The following POLR3E variants were observed in gnomAD, a reference collection of about 807,000 sequenced individuals.
POLR3E encodes RNA polymerase III subunit E, also known as DNA-directed RNA polymerase III subunit RPC5.
In POLR3E, 41 loss-of-function variants were observed where a neutral mutation model predicts 96.6. That is an observed-to-expected ratio of 0.42 (90% CI 0.33 to 0.55). The LOEUF (loss-of-function observed/expected upper bound fraction) is 0.55. Ranked by LOEUF, POLR3E falls within the 20% of genes least tolerant of loss-of-function variation. POLR3E has a pLI of 0.06. For synonymous variants in POLR3E, 396 were observed against 383.6 expected, an observed-to-expected ratio of 1.03 and a Z score of -0.38; for missense variants, 849 against 952.1, an observed-to-expected ratio of 0.89 and a Z score of 1.43.
At chr16:22,307,375 A>G (rs1451277957) in intron 3 of POLR3E, among the ~76,000 whole-genome samples, 1 of 152,118 alleles carries the variant, frequency 6.6e-6, no homozygotes, top group Non-Finnish European at 1.5e-5. Flanking sequence ...GCTAGAATGT[A>G]GCTGATCTGA....
chr16:22,330,085 G>C (rs2048704504), intron 19 of POLR3E, among the ~76,000 whole-genome samples: 1 of 149,002 alleles, frequency 6.7e-6, no homozygotes, highest in South Asian at 2.1e-4. Flanking sequence ...GAGATAGATA[G>C]CGTCTTGCTC....
At chr16:22,328,744 C>G in intron 19 of POLR3E, 157 bp downstream of exon 19, 2 of 648,334 alleles carry the variant, frequency 3.1e-6, no homozygotes, top group South Asian at 1.7e-5. Flanking sequence ...TGTACGCTAA[C>G]AAAATAAGCT....
intron 14 of POLR3E, among the ~76,000 whole-genome samples, chr16:22,323,608 G>A (rs1176771173): frequency 6.6e-6 from 1 of 152,120 alleles, no homozygotes; most frequent in Non-Finnish European, 1.5e-5. Flanking sequence ...TTCTCTTCCT[G>A]AAGGAGCCTC....
At chr16:22,300,076 G>A (rs908225229) in intron 1 of POLR3E, among the ~76,000 whole-genome samples, 4 of 152,188 alleles carry the variant, frequency 2.6e-5, no homozygotes, top group Admixed American at 6.5e-5. Flanking sequence ...ATAAGGAGCC[G>A]TAGGGAGACT....
chr16:22,315,615 T>TA (rs1477234086), intron 9 of POLR3E, among the ~76,000 whole-genome samples: 2 of 152,204 alleles, frequency 1.3e-5, no homozygotes, highest in African/African-American at 4.8e-5. Flanking sequence ...GGGATTTTCT[T>TA]ACTGTGCTTG....
rs1252287701 is a variant in POLR3E, at chr16:22,326,320, G to A, written c.1866+42G>A. 2.9e-5 allele frequency: 13 copies of A among 450,454 alleles called. 3 individuals are homozygous for A. Among genetic ancestry groups the A allele is most frequent in the Non-Finnish European group, 5.3e-5 (12 of 226,712 alleles). 27.9% of individuals were successfully genotyped at this position (450,454 alleles called of 1,614,324 possible). On this transcript the variant is annotated intron_variant, in intron 18 of 20. Coordinates refer to ENST00000299853, the MANE Select transcript of POLR3E (RefSeq NM_018119.4). Reference sequence around the variant, plus strand: ...CTGCCAGGGGCATGGGGGGTGGGGGGTGGGGAGAACCAGCTGTTGGGAGGC... The same window carrying A: ...CTGCCAGGGGCATGGGGGGTGGGGGATGGGGAGAACCAGCTGTTGGGAGGC...
chr16:22,328,476 A>G (rs1234959203), intron 18 of POLR3E, 34 bp from the exon 19 acceptor site: 1 of 1,570,352 alleles, frequency 6.4e-7, no homozygotes, highest in Admixed American at 1.7e-5. Context: ...TGGGGTAGAG[A>G]TGGACAAGCA....
chr16:22,309,315 T>C, intron 5 of POLR3E, 113 bp from the exon 6 acceptor site: 1 of 869,932 alleles, frequency 1.1e-6, no homozygotes, highest in East Asian at 2.4e-5. Context: ...CCTGCGGCCT[T>C]GGTCCCTGGC....
intron 5 of POLR3E, 188 bp downstream of exon 5, chr16:22,309,228 C>G (rs2048194527): frequency 1.5e-6 from 1 of 678,038 alleles, no homozygotes; most frequent in Admixed American, 2.3e-5. Flanking sequence ...CCTACCCACT[C>G]CTCGTCTCTT....
chr16:22,325,916 G>A lies in POLR3E; in HGVS notation c.1504G>A (p.Val502Met), dbSNP rs756072532. Residue 502 changes from valine to methionine, a missense_variant, in exon 18 of 21, where the codon GTG (valine) becomes ATG (methionine). By Grantham distance (21) the Val-to-Met change is conservative. Coordinates refer to ENST00000299853, the MANE Select transcript of POLR3E (RefSeq NM_018119.4). ...PPGVRIKEEPVSEEGEEDEEQ... is the reference protein window; with the variant it reads ...PPGVRIKEEPMSEEGEEDEEQ... ...CGGTGTGCGGATCAAGGAGGAGCCC[G>A]TGAGCGAGGAGGGCGAGGAGGACGA... 6.2e-6 allele frequency: 10 copies of A among 1,602,994 alleles called. No homozygotes were observed. Among genetic ancestry groups the A allele is most frequent in the South Asian group, 2.2e-5 (2 of 89,966 alleles).
chr16:22,302,407 G>C (rs1245549184), intron 1 of POLR3E: 1 of 159,380 alleles, frequency 6.3e-6, no homozygotes, highest in East Asian at 1.8e-4. Flanking sequence ...AGAAGAGTGT[G>C]TGAAGAGGTC....
Position 22,325,266 on chromosome 16 carries a change from G to A in POLR3E, c.1348G>A (p.Gly450Arg). Residue 450 changes from glycine to arginine, a missense_variant and splice_region_variant, in exon 17 of 21, where the codon GGG (glycine) becomes AGG (arginine). By Grantham distance (125) the Gly-to-Arg change is moderately radical (BLOSUM62 -2). Coordinates refer to ENST00000299853, the MANE Select transcript of POLR3E (RefSeq NM_018119.4). Reference sequence around the variant, plus strand: ...GCCAAAGAAGCCGGATGCACAATCAGGTGTGTGAGGGGCTTTGGGCTGGGA... The same window carrying A: ...GCCAAAGAAGCCGGATGCACAATCAAGTGTGTGAGGGGCTTTGGGCTGGGA... ...TMPKKPDAQS[G>R]PAGLVCGDQR... 2 of 1,612,614 alleles carry A rather than the reference G, an allele frequency of 1.2e-6. No homozygotes were observed.
chr16:22,325,750 C>A lies in POLR3E; in HGVS notation c.1349-11C>A, dbSNP rs1282482755. On this transcript the variant is annotated splice_polypyrimidine_tract_variant and intron_variant, in intron 17 of 20. Transcript: ENST00000299853. Reference sequence around the variant, plus strand: ...GTGCCCTCCTGAGCAGTGCTGCCTCCCTCCCCGCAGGGCCTGCCGGGCTGG... The same window carrying A: ...GTGCCCTCCTGAGCAGTGCTGCCTCACTCCCCGCAGGGCCTGCCGGGCTGG... The A allele has an allele frequency of 6.5e-7, 1 of 1,544,942 alleles. No homozygotes were observed. The highest frequency in any genetic ancestry group is 2.0e-5 in the Admixed American group (1 of 50,284).
intron 16 of POLR3E, 52 bp downstream of exon 16, chr16:22,324,712 A>G: frequency 6.3e-7 from 1 of 1,580,176 alleles, no homozygotes; most frequent in Non-Finnish European, 8.7e-7. Flanking sequence ...GCAACCCTGC[A>G]TCCTGGGGAG....
chr16:22,316,347 A>G (rs1256881214), intron 9 of POLR3E, among the ~76,000 whole-genome samples: 2 of 152,208 alleles, frequency 1.3e-5, no homozygotes, highest in Non-Finnish European at 2.9e-5. Context: ...AATGTTAGCC[A>G]TCATTTTGTC....
rs2048529745 is a variant in POLR3E, at chr16:22,324,227, A to G, written c.1069-127A>G. On this transcript the variant is annotated intron_variant, in intron 14 of 20. Coordinates refer to ENST00000299853, the MANE Select transcript of POLR3E (RefSeq NM_018119.4). ...GACTGCCTGAGGCCACACTGTTGGGAAGAATCAAGGCCAGGAGCCTAGGAC... is the reference window on the plus strand; with the variant it reads ...GACTGCCTGAGGCCACACTGTTGGGGAGAATCAAGGCCAGGAGCCTAGGAC... 22 of 706,104 alleles carry G rather than the reference A, an allele frequency of 3.1e-5. No individual in the cohort carries two copies. In the South Asian group the frequency reaches 3.4e-4, roughly 11 times the overall value. The allele number at this position is 706,104 out of a possible 1,614,324, so 43.7% of individuals were successfully genotyped here.
At chr16:22,303,829 T>TTTTG in intron 2 of POLR3E, among the ~76,000 whole-genome samples, 1 of 139,562 alleles carries the variant, frequency 7.2e-6, no homozygotes, top group African/African-American at 2.8e-5. Flanking sequence ...TTTTTTTTTT[T>TTTTG]GAGGCGGAGT....
intron 13 of POLR3E, 92 bp downstream of exon 13, chr16:22,319,038 A>T (rs2048417641): frequency 5.5e-6 from 5 of 914,980 alleles, no homozygotes; most frequent in Non-Finnish European, 8.1e-6. Context: ...GTAGTGGCGC[A>T]ATCTCGGCTC....
chr16:22,308,524 A>G (rs2048180118), intron 4 of POLR3E: 2 of 485,636 alleles, frequency 4.1e-6, no homozygotes, highest in Admixed American at 3.3e-5. Flanking sequence ...AAGAGAATCT[A>G]GCGCCTATCC....
Sources: allele counts gnomAD v4.1 joint callset (sites outside exome capture counted in the v4.1 genomes callset), GRCh38; gene constraint gnomAD v4.1.1; transcripts MANE v1.5; gene names NCBI Gene and HGNC (gene_info 2026-07-23, HGNC 2026-07-21).